The following CENPE variants were observed in gnomAD, a reference collection of about 807,000 sequenced individuals.
CENPE encodes the protein centromere-associated protein E.
A neutral mutation model predicts 336.1 loss-of-function variants in CENPE; 145 were observed. That is an observed-to-expected ratio of 0.43 (90% confidence interval 0.38 to 0.50). The LOEUF (loss-of-function observed/expected upper bound fraction) is 0.50, where lower values mean the gene tolerates loss of function less well. CENPE is among the 20% of genes least tolerant of loss of function. The probability of loss-of-function intolerance (pLI) is 0.00; values close to 1 mark genes in which losing one functional copy is unlikely to be tolerated. For synonymous variants in CENPE, 1,013 were observed against 984.8 expected, an observed-to-expected ratio of 1.03 and a Z score of -0.54; for missense variants, 2,719 against 3,023.3, an observed-to-expected ratio of 0.90 and a Z score of 2.36.
At chr4:103,180,869 C>T (rs971406096) in intron 12 of CENPE, among the ~76,000 whole-genome samples, 1 of 151,960 alleles carries the variant, frequency 6.6e-6, no homozygotes, top group Non-Finnish European at 1.5e-5. Flanking sequence ...ATCCTTAATG[C>T]GTGATTTTTT....
chr4:103,118,712 A>G (rs1038884175), intron 44 of CENPE, among the ~76,000 whole-genome samples: 5 of 152,202 alleles, frequency 3.3e-5, no homozygotes, highest in Non-Finnish European at 7.3e-5. Flanking sequence ...TGTGAAAAGT[A>G]TAAGTTCTTT....
At chr4:103,152,615 C>A (rs1371864896) in intron 25 of CENPE, among the ~76,000 whole-genome samples, 2 of 151,938 alleles carry the variant, frequency 1.3e-5, no homozygotes, top group Non-Finnish European at 2.9e-5. Context: ...TGAACGGAAC[C>A]CAAATTTCCA....
intron 42 of CENPE, 21 bp downstream of exon 42, chr4:103,132,672 A>G: frequency 1.6e-6 from 2 of 1,286,240 alleles, no homozygotes; most frequent in Non-Finnish European, 2.2e-6. Context: ...AAAAAGTAGT[A>G]CAGCAAAAAG....
intron 40 of CENPE, among the ~76,000 whole-genome samples, chr4:103,135,861 A>C (rs1349609687): frequency 6.6e-6 from 1 of 152,158 alleles, no homozygotes; most frequent in African/African-American, 2.4e-5. Context: ...CTATCATTGC[A>C]CTTAATACTT....
chr4:103,112,440 C>A (rs536604954), intron 46 of CENPE, among the ~76,000 whole-genome samples: 1 of 144,788 alleles, frequency 6.9e-6, no homozygotes, highest in Non-Finnish European at 1.5e-5. Context: ...CTTATACATA[C>A]ATATACTTAT....
chr4:103,119,013 C>T (rs1412370870), intron 44 of CENPE, among the ~76,000 whole-genome samples: 3 of 152,112 alleles, frequency 2.0e-5, no homozygotes, highest in Non-Finnish European at 2.9e-5. Flanking sequence ...CTATCACATC[C>T]TTCAGATCAT....
chr4:103,182,648 T>G, intron 11 of CENPE, 114 bp downstream of exon 11: 2 of 774,952 alleles, frequency 2.6e-6, no homozygotes, highest in Non-Finnish European at 3.9e-6. Flanking sequence ...AGACAACATA[T>G]CGATTATAAC....
At position 103,174,861 on chromosome 4, in the gene CENPE, C is replaced by T. The variant is rs1344470376; in HGVS notation, c.1522G>A (p.Asp508Asn). The T allele has an allele frequency of 2.6e-6, 4 of 1,518,454 alleles. No homozygotes were observed. Among genetic ancestry groups the T allele is most frequent in the Non-Finnish European group, 1.8e-6 (2 of 1,135,086 alleles). The allele number at this position is 1,518,454 out of a possible 1,614,324, so 94.1% of individuals were successfully genotyped here. A position where few individuals can be genotyped will look rare whatever the true frequency, so the allele number is the denominator to read the frequency against. ...TGTTCATAGTCTAATACCAGATTAT[C>T]ATAGTCAGCACGAAGTGAGTTCAAC... ...SELNSLRADY[D>N]NLVLDYEQLR... The change falls in exon 16 of 49, where the codon GAT becomes AAT. Residue 508 changes from aspartate (D) to asparagine (N), a missense_variant. By Grantham distance (23) the Asp-to-Asn change is conservative. Transcript: ENST00000265148.
At chr4:103,157,407 A>G (rs1171216389) in intron 24 of CENPE, among the ~76,000 whole-genome samples, 1 of 152,072 alleles carries the variant, frequency 6.6e-6, no homozygotes, top group Admixed American at 6.5e-5. Flanking sequence ...AAATTTACTC[A>G]TAAAAAGGAA....
rs1008640823 is a variant in CENPE at position 103,183,118 on chromosome 4, T to C, written c.833+83A>G. On this transcript the variant is annotated intron_variant, in intron 10 of 48. Coordinates refer to ENST00000265148, the MANE Select transcript of CENPE (RefSeq NM_001813.3). ...AATATATGGAAGAAATCAGTACATT[T>C]GAGTGTCATCGAAATGTTGCAATGT... 3 of 1,044,506 alleles carry C rather than the reference T, an allele frequency of 2.9e-6. No homozygotes were observed. In the African/African-American group the frequency reaches 4.8e-5, roughly 17 times the overall value. The allele number at this position is 1,044,506 out of a possible 1,614,324, so 64.7% of individuals were successfully genotyped here. A position where few individuals can be genotyped will look rare whatever the true frequency, so the allele number is the denominator to read the frequency against.
intron 43 of CENPE, 114 bp downstream of exon 43, chr4:103,122,757 A>G: frequency 4.0e-6 from 3 of 750,084 alleles, no homozygotes; most frequent in Non-Finnish European, 6.8e-6. Flanking sequence ...AATCAAGCCC[A>G]TCACTTACAA....
chr4:103,151,136 G>T, intron 26 of CENPE, 83 bp downstream of exon 26: 1 of 1,275,760 alleles, frequency 7.8e-7, no homozygotes, highest in Non-Finnish European at 1.1e-6. Context: ...GCTATTTCTG[G>T]ATTTAGGTCT....
intron 43 of CENPE, among the ~76,000 whole-genome samples, chr4:103,122,413 C>G (rs1335191166): frequency 6.6e-6 from 1 of 152,088 alleles, no homozygotes; most frequent in Non-Finnish European, 1.5e-5. Context: ...GCGTAACAAT[C>G]TTGTTATATT....
At chr4:103,129,293 T>C (rs1189278103) in intron 42 of CENPE, among the ~76,000 whole-genome samples, 1 of 152,088 alleles carries the variant, frequency 6.6e-6, no homozygotes, top group Non-Finnish European at 1.5e-5. Context: ...ATTTAAGAAA[T>C]TTAAGGAAAA....
intron 3 of CENPE, 26 bp from the exon 4 acceptor site, chr4:103,196,064 C>T: frequency 6.3e-7 from 1 of 1,597,524 alleles, no homozygotes; most frequent in Non-Finnish European, 8.6e-7. Context: ...CACACATACG[C>T]AAAGATTAAA....
At chr4:103,178,117 T>C (rs1055568980) in intron 13 of CENPE, among the ~76,000 whole-genome samples, 1 of 151,744 alleles carries the variant, frequency 6.6e-6, no homozygotes, top group Non-Finnish European at 1.5e-5. Flanking sequence ...GTAATCATGT[T>C]TGAAATTTGA....
chr4:103,159,159 C>T lies in CENPE; in HGVS notation c.2452G>A (p.Glu818Lys). The change falls in exon 22 of 49, where the codon GAA becomes AAA. Residue 818 changes from glutamate to lysine, a missense_variant. Glu to Lys is a moderately conservative substitution (Grantham distance 56). Around this residue, in one of 5 missense-constraint regions of CENPE, gnomAD observed 2,437 missense variants for 2,513.3 expected, o/e 0.97. Coordinates refer to ENST00000265148, the MANE Select transcript of CENPE (RefSeq NM_001813.3). ...TQSNYKSTDQEFQNFKTLHMD... is the reference protein window; with the variant it reads ...TQSNYKSTDQKFQNFKTLHMD... ...TGAAGGGTTTTGAAATTTTGGAATT[C>T]TTGATCAGTGCTTTTATAATTCGAC... The T allele has an allele frequency of 6.2e-7, 1 of 1,610,812 alleles. No homozygotes were observed. Among genetic ancestry groups the T allele is most frequent in the Non-Finnish European group, 8.5e-7 (1 of 1,178,774 alleles).
intron 16 of CENPE, among the ~76,000 whole-genome samples, chr4:103,173,407 T>C (rs1755576209): frequency 6.6e-6 from 1 of 151,898 alleles, no homozygotes; most frequent in South Asian, 2.1e-4. Flanking sequence ...ATGAAACTAC[T>C]AGAAAACAAG....
chr4:103,176,943 TTTG>T lies in CENPE; in HGVS notation c.1343_1345del (p.Thr448del). 2 of 1,599,382 alleles carry T rather than the reference TTTG, an allele frequency of 1.3e-6. No individual in the cohort carries two copies. On this transcript the variant is annotated inframe_deletion, in exon 14 of 49. Coordinates refer to ENST00000265148, the MANE Select transcript of CENPE (RefSeq NM_001813.3). ...TAAATTTATAGAAAGCTTATGTGTTTTTGTTGTTATATTTGTTGGTATATTAAA... is the reference window on the plus strand; with the variant it reads ...TAAATTTATAGAAAGCTTATGTGTTTTTGTTATATTTGTTGGTATATTAAA...
Sources: gnomAD v4.1 joint callset for allele counts (sites outside exome capture counted in the v4.1 genomes callset) on GRCh38, gnomAD v4.1.1 for gene constraint, gnomAD v4.1.1 regional missense constraint, MANE v1.5 for transcripts, NCBI Gene and HGNC (gene_info 2026-07-23, HGNC 2026-07-21) for gene names.